Variants in NCKAP5 observed in about 807,000 individuals in gnomAD.
NCKAP5 encodes nck-associated protein 5.
NCKAP5 carries 92 observed loss-of-function variants against 167.0 expected under a neutral mutation model. That is an observed-to-expected ratio of 0.55 (90% CI 0.47 to 0.66). NCKAP5 has a LOEUF of 0.66. Ranked by LOEUF, NCKAP5 falls within the 30% of genes least tolerant of loss-of-function variation. NCKAP5 has a pLI of 0.00. For missense variants in NCKAP5, 2,378 were observed against 2,315.0 expected (o/e 1.03, Z -0.56); for synonymous variants, 891 against 877.4 (o/e 1.02, Z -0.27).
the NCKAP5 span, among the ~76,000 whole-genome samples, chr2:133,655,796 G>T: frequency 6.6e-6 from 1 of 152,188 alleles, no homozygotes; most frequent in African/African-American, 2.4e-5. Context: ...TTTCATTTAT[G>T]AGGCACATAT....
chr2:133,000,460 T>C (rs1405967559), intron 6 of NCKAP5, among the ~76,000 whole-genome samples: 1 of 152,122 alleles, frequency 6.6e-6, no homozygotes, highest in Non-Finnish European at 1.5e-5. Context: ...CCAGCATACT[T>C]CCCATATTGG....
Position 133,397,974 on chromosome 2 carries a change from A to T in NCKAP5, c.70-94864T>A, listed in dbSNP as rs577807562. 7.2e-5 allele frequency among the ~76,000 whole-genome samples: 11 copies of T among 152,258 alleles called. 1 individual carries two copies. In the East Asian group the frequency reaches 1.9e-3, roughly 27 times the overall value. ...GGGAGAATCTTTTGACAAGTCCTGT[A>T]TTAAGGAGTGGCCTCCCCTCTCAGT... On this transcript the variant is annotated intron_variant, in intron 3 of 19. Transcript: ENST00000409261.
intron 3 of NCKAP5, among the ~76,000 whole-genome samples, chr2:133,425,396 T>A (rs527884954): frequency 6.6e-6 from 1 of 152,258 alleles, no homozygotes; most frequent in Non-Finnish European, 1.5e-5. Flanking sequence ...ACGTGAAACA[T>A]CCTTGGAAAG....
intron 3 of NCKAP5, among the ~76,000 whole-genome samples, chr2:133,312,566 C>T (rs1308554754): frequency 6.6e-6 from 1 of 152,098 alleles, no homozygotes; most frequent in Non-Finnish European, 1.5e-5. Context: ...CAAGACACTG[C>T]CTATTGTGCA....
the NCKAP5 span, among the ~76,000 whole-genome samples, chr2:133,656,957 T>C: frequency 2.0e-5 from 3 of 152,196 alleles, no homozygotes; most frequent in East Asian, 3.9e-4. Flanking sequence ...CAAAGTCCAT[T>C]GTATCATTCT....
At chr2:132,908,251 A>C (rs1413693704) in intron 8 of NCKAP5, among the ~76,000 whole-genome samples, 1 of 152,078 alleles carries the variant, frequency 6.6e-6, no homozygotes, top group Non-Finnish European at 1.5e-5. Flanking sequence ...TCCCTAAATT[A>C]AGTAGCTGTG....
chr2:133,175,824 A>C (rs2150010279), intron 5 of NCKAP5, among the ~76,000 whole-genome samples: 1 of 152,228 alleles, frequency 6.6e-6, no homozygotes, highest in Non-Finnish European at 1.5e-5. Flanking sequence ...CCCATTCTTT[A>C]TTTGAGGGTA....
At position 132,860,544 on chromosome 2, in the gene NCKAP5, A is replaced by C; in HGVS notation, c.755T>G (p.Leu252Arg). The C allele has an allele frequency of 6.3e-7, 1 of 1,588,692 alleles. No homozygotes were observed. The change falls in exon 11 of 20, where the codon CTA becomes CGA. Residue 252 changes from leucine to arginine, a missense_variant. By Grantham distance (102) the Leu-to-Arg change is moderately radical. Coordinates refer to ENST00000409261, the MANE Select transcript of NCKAP5 (RefSeq NM_207363.3). The stretch of plus-strand genomic sequence containing the variant: ...GACTCGCTGTTGGAATAGGATGCTT[A>C]GTGTTCGATTCTGCTGTTCCAAATC... ...VFDLEQQNRT[L>R]SILFQQRVRP...
chr2:133,061,260 A>C (rs569723953), intron 6 of NCKAP5, among the ~76,000 whole-genome samples: 1 of 152,356 alleles, frequency 6.6e-6, no homozygotes, highest in Non-Finnish European at 1.5e-5. Flanking sequence ...CAATTTTGAA[A>C]GAAGTTCTAC....
chr2:133,563,285 G>T (rs78149397), intron 1 of NCKAP5, among the ~76,000 whole-genome samples: 6,054 of 152,094 alleles, frequency 0.04, 168 homozygotes, highest in Non-Finnish European at 0.062. Context: ...AAAGATTCAG[G>T]TCTGGCCGGG....
chr2:133,650,416 G>A, the NCKAP5 span, among the ~76,000 whole-genome samples: 1 of 152,186 alleles, frequency 6.6e-6, no homozygotes, highest in Non-Finnish European at 1.5e-5. Flanking sequence ...AGTCAATATT[G>A]AGAAAGAACT....
At chr2:133,455,865 C>T (rs16825174) in intron 3 of NCKAP5, among the ~76,000 whole-genome samples, 11,062 of 152,096 alleles carry the variant, frequency 0.073, 714 homozygotes, top group East Asian at 0.24. Flanking sequence ...CTTATATCAG[C>T]CGTGGTTAGA....
At chr2:133,348,235 T>C (rs1213476683) in intron 3 of NCKAP5, among the ~76,000 whole-genome samples, 2 of 152,172 alleles carry the variant, frequency 1.3e-5, no homozygotes, top group Non-Finnish European at 2.9e-5. Flanking sequence ...CCTCCTTCCA[T>C]TGCTGAATTA....
chr2:132,829,573 G>C (rs547543742), intron 11 of NCKAP5, among the ~76,000 whole-genome samples: 1 of 152,256 alleles, frequency 6.6e-6, no homozygotes, highest in Non-Finnish European at 1.5e-5. Flanking sequence ...CCAGCTCTTT[G>C]CTAAAATATT....
chr2:132,783,824 G>T lies in NCKAP5; in HGVS notation c.2987C>A (p.Pro996His). 1 of 1,533,528 alleles carries T rather than the reference G, an allele frequency of 6.5e-7. No individual in the cohort carries two copies. The highest frequency in any genetic ancestry group is 8.8e-7 in the Non-Finnish European group (1 of 1,142,320). The allele number at this position is 1,533,528 out of a possible 1,614,324, so 95.0% of individuals were successfully genotyped here. A position where few individuals can be genotyped will look rare whatever the true frequency, so the allele number is the denominator to read the frequency against. The change falls in exon 14 of 20, where the codon CCT (proline) becomes CAT (histidine). Residue 996 changes from proline (P) to histidine (H), a missense_variant. Physicochemically the swap from Pro to His is moderately conservative, Grantham distance 77. Around this residue, in one of 3 missense-constraint regions of NCKAP5, gnomAD observed 1,325 missense variants for 1,274.5 expected, o/e 1.04. Coordinates refer to ENST00000409261, the MANE Select transcript of NCKAP5 (RefSeq NM_207363.3). ...PATTEVQRKK[P>H]SVAFKKPIFT... Reference sequence around the variant, plus strand: ...GATAGGCTTTTTGAAGGCCACAGAAGGTTTCTTCCTCTGCACTTCTGTCGT... The same window carrying T: ...GATAGGCTTTTTGAAGGCCACAGAATGTTTCTTCCTCTGCACTTCTGTCGT...
chr2:133,002,845 T>C (rs2077832573), intron 6 of NCKAP5, among the ~76,000 whole-genome samples: 1 of 152,194 alleles, frequency 6.6e-6, no homozygotes, highest in South Asian at 2.1e-4. Context: ...TAATGGATTT[T>C]TTACCCTTGT....
the NCKAP5 span, among the ~76,000 whole-genome samples, chr2:133,606,660 C>G: frequency 6.6e-6 from 1 of 151,250 alleles, no homozygotes; most frequent in African/African-American, 2.4e-5. Context: ...AAAATTTTGC[C>G]AAGTTTCCCA....
At chr2:133,262,407 T>A (rs377152641) in intron 4 of NCKAP5, among the ~76,000 whole-genome samples, 48 of 152,348 alleles carry the variant, frequency 3.2e-4, no homozygotes, top group African/African-American at 1.1e-3. Context: ...CACAAAATGA[T>A]TAGCTTCTCT....
intron 16 of NCKAP5, among the ~76,000 whole-genome samples, chr2:132,750,578 G>C (rs1401364552): frequency 6.6e-6 from 1 of 152,172 alleles, no homozygotes; most frequent in Non-Finnish European, 1.5e-5. Context: ...CATGGGAAAA[G>C]ATCATAATAG....
Sources: gnomAD v4.1 joint callset for allele counts (sites outside exome capture counted in the v4.1 genomes callset) on GRCh38, gnomAD v4.1.1 for gene constraint, gnomAD v4.1.1 regional missense constraint, MANE v1.5 for transcripts, NCBI Gene and HGNC (gene_info 2026-07-23, HGNC 2026-07-21) for gene names.